Variants in MC2R observed in about 807,000 individuals in gnomAD.
MC2R encodes adrenocorticotropic hormone receptor.
In MC2R, 9 loss-of-function variants were observed where a neutral mutation model predicts 9.8. The ratio of observed to expected loss-of-function variants is 0.92; its 90% CI spans 0.55 to 1.60. The LOEUF is 1.60. Ranked by LOEUF, MC2R falls within the 40% of genes most tolerant of loss-of-function variation. The pLI is 0.00. For missense variants in MC2R, 370 were observed against 389.0 expected, an observed-to-expected ratio of 0.95 and a Z score of 0.41; for synonymous variants, 185 against 154.7, an observed-to-expected ratio of 1.20 and a Z score of -1.45.
In MC2R at chr18:13,884,419, G is replaced by A; in HGVS notation, c.*206C>T. On this transcript the variant is annotated 3_prime_UTR_variant, in exon 2 of 2. Transcript: ENST00000327606. ...CTTCTTTTACTACATCGTTTTATCT[G>A]TCCAGTCACAAAGTTAAGAGGTTGC... The A allele has an allele frequency of 4.7e-6, 3 of 632,636 alleles. No individual in the cohort carries two copies. In the South Asian group the frequency reaches 5.4e-5, roughly 11 times the overall value. The allele number at this position is 632,636 out of a possible 1,614,324, so 39.2% of individuals were successfully genotyped here. A position where few individuals can be genotyped will look rare whatever the true frequency, so the allele number is the denominator to read the frequency against.
intron 1 of MC2R, among the ~76,000 whole-genome samples, chr18:13,909,612 T>C (rs2045433220): frequency 6.6e-6 from 1 of 152,196 alleles, no homozygotes; most frequent in African/African-American, 2.4e-5. Flanking sequence ...TGGACAACTA[T>C]TTTATACTTT....
At chr18:13,912,712 ACT>A (rs2045451833) in intron 1 of MC2R, among the ~76,000 whole-genome samples, 2 of 152,174 alleles carry the variant, frequency 1.3e-5, no homozygotes, top group African/African-American at 4.8e-5. Context: ...GGGCCCAGTC[ACT>A]GTCTCCAGCT....
chr18:13,889,512 T>C (rs1204084452), intron 1 of MC2R, among the ~76,000 whole-genome samples: 2 of 152,060 alleles, frequency 1.3e-5, no homozygotes, highest in Admixed American at 6.5e-5. Flanking sequence ...GACTTTTGTT[T>C]TTTGGCTGGG....
Position 13,906,429 on chromosome 18 carries a change from G to T in MC2R, c.-129+9059C>A, listed in dbSNP as rs146579535. On this transcript the variant is annotated intron_variant, in intron 1 of 1. Transcript: ENST00000327606. ...GAACAACACACACCAGGGCCTGTTGGGGGGTGGGAGGTGAGGGGAGGGAAC... is the reference window on the plus strand; with the variant it reads ...GAACAACACACACCAGGGCCTGTTGTGGGGTGGGAGGTGAGGGGAGGGAAC... Among the ~76,000 whole-genome samples, 28 of 152,158 alleles carry T rather than the reference G, an allele frequency of 1.8e-4. 1 individual carries two copies. In the East Asian group the frequency reaches 5.0e-3, roughly 27 times the overall value.
At chr18:13,914,528 T>C (rs2045465213) in intron 1 of MC2R, among the ~76,000 whole-genome samples, 1 of 152,228 alleles carries the variant, frequency 6.6e-6, no homozygotes, top group Admixed American at 6.5e-5. Flanking sequence ...CTCCTCCTTC[T>C]GATCTGCTCA....
Position 13,886,417 on chromosome 18 carries a change from C to A in MC2R, c.-128-771G>T, listed in dbSNP as rs2045276604. Among the ~76,000 whole-genome samples the A allele has an allele frequency of 2.6e-5, 4 of 152,156 alleles. No homozygotes were observed. In the South Asian group the frequency reaches 8.3e-4, roughly 32 times the overall value. On this transcript the variant is annotated intron_variant, in intron 1 of 1. Transcript: ENST00000327606. ...GATGAACAGATGAACAGCAGCGGTGCCCTTGATGAAAAAAGAGGTAAAGCA... is the reference window on the plus strand; with the variant it reads ...GATGAACAGATGAACAGCAGCGGTGACCTTGATGAAAAAAGAGGTAAAGCA...
intron 1 of MC2R, among the ~76,000 whole-genome samples, chr18:13,888,740 T>C (rs2045294171): frequency 6.6e-6 from 1 of 152,242 alleles, no homozygotes; most frequent in South Asian, 2.1e-4. Context: ...CTGTTGTTCC[T>C]GCTTAGAGAT....
chr18:13,896,159 G>T (rs1190659782), intron 1 of MC2R, among the ~76,000 whole-genome samples: 1 of 152,156 alleles, frequency 6.6e-6, no homozygotes, highest in East Asian at 1.9e-4. Context: ...TAATAAATAA[G>T]AGTTAGTATA....
intron 1 of MC2R, among the ~76,000 whole-genome samples, chr18:13,910,020 T>C (rs1455968285): frequency 6.6e-6 from 1 of 152,258 alleles, no homozygotes; most frequent in East Asian, 1.9e-4. Flanking sequence ...GATTTTCTTC[T>C]ATGTTTTCTT....
chr18:13,893,030 G>A (rs1418021424), intron 1 of MC2R, among the ~76,000 whole-genome samples: 1 of 152,188 alleles, frequency 6.6e-6, no homozygotes, highest in African/African-American at 2.4e-5. Context: ...TGCTTGTTTT[G>A]GTGCCTTTTC....
rs1322421010 is a variant in MC2R, at chr18:13,885,526, G to A, written c.-8C>T. 2.5e-6 allele frequency: 4 copies of A among 1,613,998 alleles called. No individual in the cohort carries two copies. The Admixed American group carries it at 5.0e-5, about 20-fold the overall frequency. On this transcript the variant is annotated 5_prime_UTR_variant, in exon 2 of 2. Transcript: ENST00000327606. ...GTTGATAATGTGCTTCATTTCTCCT[G>A]CTTGTGGTTAAGGCGGGGATGTTAC...
rs1053955887 is a variant in MC2R at position 13,882,799 on chromosome 18, T to C, written c.*1826A>G. The C allele has an allele frequency of 6.6e-6, 1 of 152,226 alleles. No homozygotes were observed. Among genetic ancestry groups the C allele is most frequent in the Non-Finnish European group, 1.5e-5 (1 of 68,040 alleles). The allele number at this position is 152,226 out of a possible 1,614,324, so 9.4% of individuals were successfully genotyped here. A position where few individuals can be genotyped will look rare whatever the true frequency, so the allele number is the denominator to read the frequency against. On this transcript the variant is annotated 3_prime_UTR_variant, in exon 2 of 2. Coordinates refer to ENST00000327606, the MANE Select transcript of MC2R (RefSeq NM_000529.2). Reference sequence around the variant, plus strand: ...TAGAAATAACACTTTTAAAAATTAGTTCTAGGGTTGTGCTTTAGATTTCAT... The same window carrying C: ...TAGAAATAACACTTTTAAAAATTAGCTCTAGGGTTGTGCTTTAGATTTCAT...
rs758727564 is a variant in MC2R, at chr18:13,884,684, G to A, written c.835C>T (p.Arg279Trp). The change falls in exon 2 of 2, where the codon CGG becomes TGG. Residue 279 changes from arginine (R) to tryptophan (W), a missense_variant. Physicochemically the swap from Arg to Trp is moderately radical, Grantham distance 101. Transcript: ENST00000327606. Reference sequence around the variant, plus strand: ...AATGCGTCCCTGAGCTCTGGGCTCCGGAAGGCATATATGAAGGGGTCAATG... The same window carrying A: ...AATGCGTCCCTGAGCTCTGGGCTCCAGAAGGCATATATGAAGGGGTCAATG... ...AVIDPFIYAF[R>W]SPELRDAFKK... 13 of 1,613,928 alleles carry A rather than the reference G, an allele frequency of 8.1e-6. No individual in the cohort carries two copies. The highest frequency in any genetic ancestry group is 2.2e-5 in the South Asian group (2 of 91,082).
At chr18:13,911,620 T>C (rs961103250) in intron 1 of MC2R, among the ~76,000 whole-genome samples, 3 of 152,168 alleles carry the variant, frequency 2.0e-5, no homozygotes, top group Non-Finnish European at 4.4e-5. Context: ...AGGGCCACCA[T>C]GAGTGCAGCG....
chr18:13,915,036 A>G (rs1352595580), intron 1 of MC2R, among the ~76,000 whole-genome samples: 1 of 152,172 alleles, frequency 6.6e-6, no homozygotes, highest in Non-Finnish European at 1.5e-5. Context: ...CTTAGACACC[A>G]ATGCCTGAGG....
At chr18:13,887,708 GCTC>G (rs1357287457) in intron 1 of MC2R, among the ~76,000 whole-genome samples, 1 of 152,178 alleles carries the variant, frequency 6.6e-6, no homozygotes, top group Non-Finnish European at 1.5e-5. Context: ...GACCTGGGGG[GCTC>G]CTCCTGCCTG....
At position 13,907,946 on chromosome 18, in the gene MC2R, A is replaced by G. The variant is rs552003332; in HGVS notation, c.-129+7542T>C. ...ACTGTTGGTGGGAAGGTCAACTACT[A>G]TAGCCACTGTGGAGAACAGTTTGGA... is the stretch of plus-strand genomic sequence containing the variant. On this transcript the variant is annotated intron_variant, in intron 1 of 1. Transcript: ENST00000327606. 7.0e-4 allele frequency among the ~76,000 whole-genome samples: 107 copies of G among 152,310 alleles called. 1 individual carries two copies. The highest frequency in any genetic ancestry group is 2.5e-3 in the African/African-American group (106 of 41,580).
At position 13,883,190 on chromosome 18, in the gene MC2R, A is replaced by C. The variant is rs1304500281; in HGVS notation, c.*1435T>G. On this transcript the variant is annotated 3_prime_UTR_variant, in exon 2 of 2. Coordinates refer to ENST00000327606, the MANE Select transcript of MC2R (RefSeq NM_000529.2). ...CTGGAAGATACCATCCATCCTGCAG[A>C]TCCTGAGCCTGGTGGCCTCTGAAGC... 6.6e-6 allele frequency: 1 copy of C among 152,324 alleles called. No homozygotes were observed. The highest frequency in any genetic ancestry group is 1.5e-5 in the Non-Finnish European group (1 of 68,158). 9.4% of individuals were successfully genotyped at this position (152,324 alleles called of 1,614,324 possible).
At chr18:13,898,090 G>A (rs12957297) in intron 1 of MC2R, among the ~76,000 whole-genome samples, 73,782 of 151,718 alleles carry the variant, frequency 0.49, 18,363 homozygotes, top group Middle Eastern at 0.61. Context: ...CCGATTCTAG[G>A]GATTGACAAA....
Sources: allele counts gnomAD v4.1 joint callset (sites outside exome capture counted in the v4.1 genomes callset), GRCh38; gene constraint gnomAD v4.1.1; transcripts MANE v1.5; gene names NCBI Gene and HGNC (gene_info 2026-07-23, HGNC 2026-07-21).